The following CNKSR2 variants were observed in gnomAD, a reference collection of about 807,000 sequenced individuals.
CNKSR2 encodes the protein CNK homolog protein 2.
CNKSR2 carries 14 observed loss-of-function variants against 84.4 expected under a neutral mutation model. The ratio of observed to expected loss-of-function variants is 0.17; its 90% CI spans 0.11 to 0.26. The LOEUF is 0.26. Ranked by LOEUF, CNKSR2 falls within the 10% of genes least tolerant of loss-of-function variation. The pLI, the probability that CNKSR2 is intolerant of heterozygous loss-of-function variation, is 1.00. For synonymous variants in CNKSR2, 275 were observed against 277.9 expected, an observed-to-expected ratio of 0.99 and a Z score of 0.10; for missense variants, 485 against 771.2, an observed-to-expected ratio of 0.63 and a Z score of 4.40.
At chrX:21,651,050 T>C (rs1039469241) in intron 21 of CNKSR2, among the ~76,000 whole-genome samples, 3 of 111,282 alleles carry the variant, frequency 2.7e-5, no homozygotes, top group Non-Finnish European at 3.8e-5. Context: ...GACCTGTTTC[T>C]CTCCTTCTAT....
At chrX:21,394,855 C>T (rs2090100070) in intron 1 of CNKSR2, among the ~76,000 whole-genome samples, 1 of 111,504 alleles carries the variant, frequency 9.0e-6, no homozygotes, top group Admixed American at 9.5e-5. Context: ...CACTAGAGCT[C>T]CATTTAAGTG....
At position 21,507,421 on chromosome X, in the gene CNKSR2, T is replaced by C. The variant is rs2091624218; in HGVS notation, c.810+5833T>C. ...GTCTCATATGGAGCTGACATTGAGT[T>C]CCTTTTTTTGTCTGAGTTGCTGGAA... On this transcript the variant is annotated intron_variant, in intron 8 of 21. Coordinates refer to ENST00000379510, the MANE Select transcript of CNKSR2 (RefSeq NM_014927.5). Among the ~76,000 whole-genome samples the C allele has an allele frequency of 2.7e-5, 3 of 111,477 alleles. No homozygotes were observed. In the Admixed American group the frequency reaches 2.9e-4, roughly 11 times the overall value.
At chrX:21,623,856 T>A (rs908601227) in intron 20 of CNKSR2, among the ~76,000 whole-genome samples, 13 of 111,999 alleles carry the variant, frequency 1.2e-4, no homozygotes, top group Non-Finnish European at 2.1e-4. Context: ...ATAATTTTTT[T>A]AAAAATTGAA....
chrX:21,534,739 C>A (rs73203341), intron 11 of CNKSR2, among the ~76,000 whole-genome samples: 1 of 110,921 alleles, frequency 9.0e-6, no homozygotes, highest in Non-Finnish European at 1.9e-5. Flanking sequence ...TCTGCTTTCA[C>A]GCAATGTCTA....
chrX:21,560,827 G>T (rs1353138309), intron 11 of CNKSR2, among the ~76,000 whole-genome samples: 1 of 111,201 alleles, frequency 9.0e-6, no homozygotes, highest in African/African-American at 3.3e-5. Flanking sequence ...GACCCAGGGG[G>T]AAATGGAGCA....
chrX:21,438,627 GGAAA>G (rs1308751472), intron 3 of CNKSR2, among the ~76,000 whole-genome samples: 3 of 110,759 alleles, frequency 2.7e-5, no homozygotes, highest in African/African-American at 9.8e-5. Flanking sequence ...TTCTAGATGT[GGAAA>G]GACTTTCTAA....
chrX:21,501,310 AT>A (rs1398473593), intron 7 of CNKSR2, among the ~76,000 whole-genome samples: 1 of 109,041 alleles, frequency 9.2e-6, no homozygotes, highest in East Asian at 2.8e-4. Context: ...TTTTTTATTA[AT>A]TTTTTTCTTT....
intron 20 of CNKSR2, among the ~76,000 whole-genome samples, chrX:21,620,867 G>A (rs1230223444): frequency 9.0e-6 from 1 of 110,928 alleles, no homozygotes; most frequent in Non-Finnish European, 1.9e-5. Context: ...AGTTTAGTGG[G>A]CTCCTCATTA....
intron 4 of CNKSR2, among the ~76,000 whole-genome samples, chrX:21,454,877 G>A (rs1419710718): frequency 8.9e-6 from 1 of 111,915 alleles, no homozygotes; most frequent in Non-Finnish European, 1.9e-5. Flanking sequence ...CAGATATAAG[G>A]TAGCAGGCTG....
chrX:21,394,637 C>G (rs183816798), intron 1 of CNKSR2, among the ~76,000 whole-genome samples: 2 of 111,564 alleles, frequency 1.8e-5, no homozygotes, highest in Admixed American at 9.6e-5. Context: ...TAGACCTCAT[C>G]TCAGTAGTAA....
intron 13 of CNKSR2, among the ~76,000 whole-genome samples, chrX:21,577,521 TG>T (rs1390580489): frequency 9.0e-6 from 1 of 111,506 alleles, no homozygotes; most frequent in African/African-American, 3.3e-5. Flanking sequence ...TTAGTTGCTT[TG>T]ATCAGAGAGC....
At chrX:21,526,752 G>C (rs748412392) in intron 9 of CNKSR2, 115 bp from the exon 10 acceptor site, 7 of 689,804 alleles carry the variant, frequency 1.0e-5, no homozygotes, top group Non-Finnish European at 1.3e-5. Context: ...AAAAACTGCA[G>C]AAATAGATAA....
intron 8 of CNKSR2, among the ~76,000 whole-genome samples, chrX:21,512,207 G>A (rs1287678761): frequency 4.5e-5 from 5 of 111,716 alleles, no homozygotes; most frequent in Non-Finnish European, 9.4e-5. Context: ...TATTACAGAG[G>A]TTCTCAAATT....
Position 21,374,793 on chromosome X carries a change from C to T in CNKSR2, c.-105C>T, listed in dbSNP as rs2089782068. 1.4e-6 allele frequency: 1 copy of T among 712,690 alleles called. No individual in the cohort carries two copies. The highest frequency in any genetic ancestry group is 2.1e-5 in the African/African-American group (1 of 48,191). The allele number at this position is 712,690 out of a possible 1,213,427, so 58.7% of individuals were successfully genotyped here. A position where few individuals can be genotyped will look rare whatever the true frequency, so the allele number is the denominator to read the frequency against. ...AGCCGCTTTCTCCGCGCCGCCCGCC[C>T]AGGGAGGCTGCGGCCAGCAAGGGAC... On this transcript the variant is annotated 5_prime_UTR_variant, in exon 1 of 22. Coordinates refer to ENST00000379510, the MANE Select transcript of CNKSR2 (RefSeq NM_014927.5).
intron 4 of CNKSR2, among the ~76,000 whole-genome samples, chrX:21,459,691 G>A (rs930957720): frequency 4.5e-5 from 5 of 110,885 alleles, no homozygotes; most frequent in Non-Finnish European, 7.6e-5. Flanking sequence ...ACTGTATCAT[G>A]ATAAATGCTA....
chrX:21,410,195 T>A (rs900964494), intron 1 of CNKSR2, among the ~76,000 whole-genome samples: 1 of 110,777 alleles, frequency 9.0e-6, no homozygotes, highest in Non-Finnish European at 1.9e-5. Context: ...AAATACAAAA[T>A]CTCAGGCCAC....
chrX:21,626,520 T>A (rs921522734), intron 20 of CNKSR2, among the ~76,000 whole-genome samples: 2 of 111,743 alleles, frequency 1.8e-5, no homozygotes, highest in African/African-American at 6.5e-5. Flanking sequence ...AGAAAACTAA[T>A]TCAACAATCC....
At chrX:21,616,439 A>T (rs2092577033) in intron 20 of CNKSR2, among the ~76,000 whole-genome samples, 1 of 111,705 alleles carries the variant, frequency 9.0e-6, no homozygotes, top group Non-Finnish European at 1.9e-5. Context: ...AAGTTATTTT[A>T]TCCAACATAT....
intron 13 of CNKSR2, among the ~76,000 whole-genome samples, chrX:21,579,372 A>G (rs1340924277): frequency 9.0e-6 from 1 of 111,709 alleles, no homozygotes; most frequent in African/African-American, 3.3e-5. Flanking sequence ...TACTGGGAGT[A>G]TGTATGAGGT....
Sources: allele counts gnomAD v4.1 joint callset (sites outside exome capture counted in the v4.1 genomes callset), GRCh38; gene constraint gnomAD v4.1.1; transcripts MANE v1.5; gene names NCBI Gene and HGNC (gene_info 2026-07-23, HGNC 2026-07-21).